The following KRABD3 variants were observed in gnomAD, a reference collection of about 807,000 sequenced individuals.
The protein encoded by KRABD3 is KRAB domain containing 3, also known as KRAB domain-containing protein 3.
chr7:149,720,697 TG>T, the KRABD3 span: 3 of 911,066 alleles, frequency 3.3e-6, no homozygotes, highest in African/African-American at 1.7e-5. Flanking sequence ...CTATATCTCA[TG>T]GGACATGGTG....
chr7:149,722,685 G>T, the KRABD3 span: 1 of 1,501,512 alleles, frequency 6.7e-7, no homozygotes, highest in Non-Finnish European at 9.0e-7. Flanking sequence ...ATTCTCACGG[G>T]TGGGAATCTC....
chr7:149,725,210 C>G, the KRABD3 span: 3 of 1,152,106 alleles, frequency 2.6e-6, no homozygotes, highest in Middle Eastern at 2.6e-4. Context: ...TGGTACAGGA[C>G]TCGTCACCCC....
the KRABD3 span, chr7:149,722,967 G>C: frequency 6.4e-7 from 1 of 1,563,724 alleles, no homozygotes; most frequent in Non-Finnish European, 8.6e-7. Context: ...GTGAGTTCTG[G>C]GGCCTCAGGC....
chr7:149,719,347 G>T, the KRABD3 span: 3 of 523,142 alleles, frequency 5.7e-6, no homozygotes, highest in South Asian at 2.9e-5. This position sits in a 1 kb window ranked among gnomAD's most constrained non-coding sequence, Gnocchi z 5.6. Context: ...CAGGCGTGAG[G>T]GTTAGGACTT....
chr7:149,733,800 C>T, the KRABD3 span: 1 of 1,604,560 alleles, frequency 6.2e-7, no homozygotes. Flanking sequence ...CCTGCACACC[C>T]CCTCCTCGCA....
At chr7:149,721,019 A>G in the KRABD3 span, 865 of 1,610,666 alleles carry the variant, frequency 5.4e-4, 2 homozygotes, top group Middle Eastern at 8.4e-3. Flanking sequence ...CAGTGCACGC[A>G]GCCTCCTCTG....
chr7:149,719,631 G>C, the KRABD3 span: 3 of 1,609,164 alleles, frequency 1.9e-6, no homozygotes, highest in Non-Finnish European at 2.5e-6. This position sits in a 1 kb window ranked among gnomAD's most constrained non-coding sequence, Gnocchi z 5.6. Context: ...GAGTTCTACC[G>C]AGACGTGATG....
At chr7:149,715,846 T>G in the KRABD3 span, among the ~76,000 whole-genome samples, 1 of 152,162 alleles carries the variant, frequency 6.6e-6, no homozygotes, top group African/African-American at 2.4e-5. Context: ...CAAGTGTCCT[T>G]TTCAGGTCTG....
chr7:149,724,729 A>T, the KRABD3 span: 1 of 1,552,832 alleles, frequency 6.4e-7, no homozygotes, highest in Non-Finnish European at 8.7e-7. Context: ...GATGGAGAAC[A>T]GCTGGGTCCA....
At chr7:149,719,599 G>A in the KRABD3 span, 2 of 1,606,446 alleles carry the variant, frequency 1.2e-6, no homozygotes, top group South Asian at 1.1e-5. The surrounding 1 kb of genome is among the most constrained non-coding windows in gnomAD (Gnocchi z 5.6). Flanking sequence ...AGGAGTGGCG[G>A]CTCCTGGAGG....
At chr7:149,734,289 T>C in the KRABD3 span, 1 of 540,040 alleles carries the variant, frequency 1.9e-6, no homozygotes, top group South Asian at 2.4e-5. Context: ...CAAATGTTGC[T>C]TCCCTCTCCT....
the KRABD3 span, chr7:149,723,049 G>A: frequency 3.4e-4 from 377 of 1,106,452 alleles, 1 homozygote; most frequent in East Asian, 9.8e-3. Context: ...CTTAGGGATC[G>A]TTACCAGCTT....
the KRABD3 span, among the ~76,000 whole-genome samples, chr7:149,727,649 C>T: frequency 1.3e-5 from 2 of 152,206 alleles, no homozygotes; most frequent in African/African-American, 4.8e-5. Flanking sequence ...TGGACAGCAG[C>T]GTGGTATTCG....
chr7:149,730,363 G>A, the KRABD3 span: 1 of 1,547,070 alleles, frequency 6.5e-7, no homozygotes. Context: ...CGGAGAGGGA[G>A]GATAGCGGGA....
At chr7:149,724,539 C>T in the KRABD3 span, 2 of 690,014 alleles carry the variant, frequency 2.9e-6, no homozygotes, top group East Asian at 3.2e-5. Context: ...CCGGTGACTG[C>T]CGTGGAGGCA....
the KRABD3 span, chr7:149,724,625 G>A: frequency 1.3e-6 from 2 of 1,484,278 alleles, no homozygotes; most frequent in Non-Finnish European, 1.8e-6. Flanking sequence ...CCTGAACCTT[G>A]GGCTTCCCAA....
chr7:149,725,516 G>C, the KRABD3 span: 3 of 1,576,430 alleles, frequency 1.9e-6, no homozygotes, highest in Admixed American at 3.6e-5. Flanking sequence ...GCGCGGGGTG[G>C]CATGTCCCTG....
At chr7:149,730,199 G>T in the KRABD3 span, 41 of 1,575,448 alleles carry the variant, frequency 2.6e-5, no homozygotes, top group East Asian at 9.1e-4. Context: ...CCCTGAGGGG[G>T]ATCTTGCCTG....
At chr7:149,719,395 C>T in the KRABD3 span, 2 of 750,412 alleles carry the variant, frequency 2.7e-6, no homozygotes, top group Non-Finnish European at 4.1e-6. The surrounding 1 kb of genome is among the most constrained non-coding windows in gnomAD (Gnocchi z 5.6). Context: ...ACCCCCAGCA[C>T]TGTCTCTTGA....
Sources: gnomAD v4.1 joint callset for allele counts (sites outside exome capture counted in the v4.1 genomes callset) on GRCh38, gnomAD v4.1.1 for gene constraint, Gnocchi (gnomAD v3.1) non-coding constraint, MANE v1.5 for transcripts, NCBI Gene and HGNC (gene_info 2026-07-23, HGNC 2026-07-21) for gene names.